SLC4A9: variants seen among roughly 807,000 people sequenced by gnomAD.
SLC4A9 encodes the protein solute carrier family 4 member 9.
Under a neutral mutation model 103.2 loss-of-function variants are expected in SLC4A9, and 102 were observed. The observed-to-expected ratio is 0.99, with a 90% confidence interval of 0.84 to 1.17. The LOEUF (loss-of-function observed/expected upper bound fraction) is 1.17. SLC4A9 is among the 50% of genes most tolerant of loss of function. The pLI, the probability that SLC4A9 is intolerant of heterozygous loss-of-function variation, is 0.00. For synonymous variants in SLC4A9, 453 were observed against 483.6 expected (o/e 0.94, Z 0.83); for missense variants, 1,091 against 1,193.7 (o/e 0.91, Z 1.27).
chr5:140,370,977 A>C (rs1768629507), intron 17 of SLC4A9, 118 bp from the exon 18 acceptor site: 1 of 777,348 alleles, frequency 1.3e-6, no homozygotes, highest in African/African-American at 1.7e-5. Flanking sequence ...AAGGAAAGGC[A>C]AGGCCTGGGC....
Position 140,360,630 on chromosome 5 carries a change from C to A in SLC4A9, c.230+164C>A, listed in dbSNP as rs1581126238. On this transcript the variant is annotated intron_variant, in intron 1 of 21. Transcript: ENST00000506757. The stretch of plus-strand genomic sequence containing the variant: ...CTTCCATGATGCCCAGCCTCCTCTG[C>A]AGTCTAGTTTTGAGATCCCCAAGAC... 2.5e-5 allele frequency: 28 copies of A among 1,137,836 alleles called. No homozygotes were observed. In the East Asian group the frequency reaches 7.0e-4, roughly 28 times the overall value. The allele number at this position is 1,137,836 out of a possible 1,614,324, so 70.5% of individuals were successfully genotyped here.
At chr5:140,371,342 C>A in intron 18 of SLC4A9, 109 bp from the exon 19 acceptor site, 1 of 1,463,370 alleles carries the variant, frequency 6.8e-7, no homozygotes, top group Non-Finnish European at 9.5e-7. Flanking sequence ...AGGGACTCGG[C>A]TGCCATGCTC....
intron 14 of SLC4A9, among the ~76,000 whole-genome samples, 161 bp from the exon 15 acceptor site, chr5:140,367,259 A>G (rs1768015023): frequency 6.6e-6 from 1 of 152,184 alleles, no homozygotes; most frequent in African/African-American, 2.4e-5. Context: ...GCTGTCTTTT[A>G]AGGCACTGGG....
intron 2 of SLC4A9, 52 bp from the exon 3 acceptor site, chr5:140,361,202 G>T: frequency 1.4e-6 from 2 of 1,465,254 alleles, no homozygotes; most frequent in Non-Finnish European, 1.9e-6. Flanking sequence ...AAGGGGAAGA[G>T]TGTGCGGCAG....
chr5:140,362,622 G>A (rs375172838), intron 6 of SLC4A9, 90 bp downstream of exon 6: 1 of 1,176,550 alleles, frequency 8.5e-7, no homozygotes, highest in South Asian at 1.3e-5. Context: ...GCTCATGTGA[G>A]TGTGTGTGTG....
At chr5:140,371,720 CCT>C in intron 19 of SLC4A9, 96 bp downstream of exon 19, 1 of 1,375,006 alleles carries the variant, frequency 7.3e-7, no homozygotes, top group Non-Finnish European at 1.0e-6. Context: ...AAGAATCTCC[CCT>C]CTCACTCGCT....
chr5:140,369,569 C>G (rs1238384842), intron 17 of SLC4A9, among the ~76,000 whole-genome samples: 3 of 152,086 alleles, frequency 2.0e-5, no homozygotes, highest in African/African-American at 7.2e-5. Flanking sequence ...AGACAAGGGT[C>G]ACTGGCAGGA....
At chr5:140,361,442 G>A in intron 3 of SLC4A9, 75 bp downstream of exon 3, 1 of 1,233,732 alleles carries the variant, frequency 8.1e-7, no homozygotes, top group Non-Finnish European at 1.1e-6. Flanking sequence ...CACCTTCCAG[G>A]GCTAGAAGTA....
Position 140,360,952 on chromosome 5 carries a change from A to G in SLC4A9, c.371A>G (p.Gln124Arg), listed in dbSNP as rs1471527801. ...EGLVLLDCPAQSLLELVEQVT... is the reference protein window; with the variant it reads ...EGLVLLDCPARSLLELVEQVT... ...CTTGTACTGCTGGACTGCCCAGCTC[A>G]GAGCCTCCTGGAGCTCGTGGGTAGG... Residue 124 changes from glutamine to arginine, a missense_variant, in exon 2 of 22, where the codon CAG (glutamine) becomes CGG (arginine). Coordinates refer to ENST00000506757, the MANE Select transcript of SLC4A9 (RefSeq NM_031467.3). The G allele has an allele frequency of 6.3e-7, 1 of 1,591,614 alleles. No individual in the cohort carries two copies. Among genetic ancestry groups the G allele is most frequent in the African/African-American group, 1.3e-5 (1 of 74,618 alleles).
rs750997689 is a variant in SLC4A9 at position 140,372,396 on chromosome 5, A to T, written c.2825A>T (p.Asp942Val). 10 of 1,609,920 alleles carry T rather than the reference A, an allele frequency of 6.2e-6. No homozygotes were observed. In the Admixed American group the frequency reaches 1.5e-4, roughly 25 times the overall value. The part of the protein sequence containing the change: ...EHSFSGSDSE[D>V]SELMYQPKAP... ...TCATTCAGTGGAAGTGACAGTGAAG[A>T]TGTGAGCTCCAGGCTGGGTCCTCTC... The change falls in exon 20 of 22, where the codon GAT becomes GTT. Residue 942 changes from aspartate to valine, a missense_variant and splice_region_variant. Coordinates refer to ENST00000506757, the MANE Select transcript of SLC4A9 (RefSeq NM_031467.3).
chr5:140,372,158 T>C (rs1768817102), intron 19 of SLC4A9, 84 bp from the exon 20 acceptor site: 1 of 1,242,534 alleles, frequency 8.0e-7, no homozygotes, highest in Admixed American at 3.4e-5. Flanking sequence ...GCCTAGCACA[T>C]AGGAAGTGCT....
intron 16 of SLC4A9, among the ~76,000 whole-genome samples, 192 bp downstream of exon 16, chr5:140,368,090 A>G (rs1768168362): frequency 6.6e-6 from 1 of 152,026 alleles, no homozygotes; most frequent in African/African-American, 2.4e-5. Flanking sequence ...AGCCATGGGG[A>G]CTGGGAGGGG....
At chr5:140,373,865 C>A (rs896141326) in intron 21 of SLC4A9, among the ~76,000 whole-genome samples, 3 of 152,134 alleles carry the variant, frequency 2.0e-5, no homozygotes, top group Non-Finnish European at 2.9e-5. Context: ...ACAGCATGTA[C>A]AAAAGCCTAC....
At chr5:140,368,547 A>G (rs1768237055) in intron 16 of SLC4A9, 40 bp from the exon 17 acceptor site, 1 of 1,576,394 alleles carries the variant, frequency 6.3e-7, no homozygotes, top group Non-Finnish European at 8.7e-7. Flanking sequence ...TACCCCAGGG[A>G]CTCTCCCAGA....
At chr5:140,364,673 G>A in intron 11 of SLC4A9, 48 bp downstream of exon 11, 1 of 1,570,394 alleles carries the variant, frequency 6.4e-7, no homozygotes, top group Non-Finnish European at 8.6e-7. Flanking sequence ...AGGATGTAGG[G>A]AAGGGGAGGG....
chr5:140,363,455 C>G lies in SLC4A9; in HGVS notation c.979C>G (p.Arg327Gly). ...CCTCCTCAGGCTTCCCTCGCAACAG[C>G]GGGAGATCAGAGGTCCCGCCGTCCC... is the stretch of plus-strand genomic sequence containing the variant. ...SQHKRLPSQQ[R>G]EIRGPAVPRL... The change falls in exon 8 of 22, where the codon CGG (arginine) becomes GGG (glycine). Residue 327 changes from arginine (R) to glycine (G), a missense_variant. Physicochemically the swap from Arg to Gly is moderately radical, Grantham distance 125. Transcript: ENST00000506757. This position sits in a 1 kb window ranked among gnomAD's most constrained non-coding sequence, Gnocchi z 4.5. The G allele has an allele frequency of 6.4e-7, 1 of 1,551,254 alleles. No homozygotes were observed. The highest frequency in any genetic ancestry group is 1.2e-5 in the South Asian group (1 of 84,064).
Position 140,372,728 on chromosome 5 carries a change from G to T in SLC4A9, c.2827-17G>T. 1 of 1,554,992 alleles carries T rather than the reference G, an allele frequency of 6.4e-7. No individual in the cohort carries two copies. ...TTCTATCTATTCTCAATCCATCTTG[G>T]GATCTGTCTTCCACAGTCAGAGCTG... is the stretch of plus-strand genomic sequence containing the variant. On this transcript the variant is annotated splice_polypyrimidine_tract_variant and intron_variant, in intron 20 of 21. Transcript: ENST00000506757.
Position 140,367,570 on chromosome 5 carries a change from TAC to T in SLC4A9, c.2166_2167del (p.Tyr722Ter). 1 of 1,603,698 alleles carries T rather than the reference TAC, an allele frequency of 6.2e-7. No homozygotes were observed. The highest frequency in any genetic ancestry group is 1.7e-5 in the Admixed American group (1 of 58,194). On this transcript the variant is annotated frameshift_variant, in exon 15 of 22. Transcript: ENST00000506757. LOFTEE classifies it high-confidence loss of function. The stretch of plus-strand genomic sequence containing the variant: ...AGCAGTCATCCTCAACCGCATGGAA[TAC>T]AGACTGCAGGTAAGGCCTGCTGGGT... ...ITAVILNRME[Y>X]RLQKGAGFHL...
intron 16 of SLC4A9, 60 bp from the exon 17 acceptor site, chr5:140,368,527 C>T: frequency 6.8e-7 from 1 of 1,474,974 alleles, no homozygotes. Context: ...GCCAGGATCT[C>T]CAGTCTGGAT....
Sources: gnomAD v4.1 joint callset for allele counts (sites outside exome capture counted in the v4.1 genomes callset) on GRCh38, gnomAD v4.1.1 for gene constraint, Gnocchi (gnomAD v3.1) non-coding constraint, MANE v1.5 for transcripts, NCBI Gene and HGNC (gene_info 2026-07-23, HGNC 2026-07-21) for gene names.